Variants in WWOX observed in about 807,000 individuals in gnomAD.
WWOX encodes the protein WW domain-containing oxidoreductase.
A neutral mutation model predicts 46.2 loss-of-function variants in WWOX; 69 were observed. That is an observed-to-expected ratio of 1.49 (90% CI 1.23 to 1.82). WWOX has a LOEUF of 1.82. Among genes scored for constraint, WWOX ranks in the 40% most tolerant of loss-of-function variants. The probability of loss-of-function intolerance (pLI) is 0.00; values close to 1 mark genes in which losing one functional copy is unlikely to be tolerated. For synonymous variants in WWOX, 359 were observed against 202.6 expected (o/e 1.77, Z -6.56); for missense variants, 919 against 542.6 (o/e 1.69, Z -6.89).
intron 8 of WWOX, among the ~76,000 whole-genome samples, chr16:78,751,471 A>G (rs868580122): frequency 0.034 from 4,829 of 143,718 alleles, 195 homozygotes; most frequent in African/African-American, 0.089. Context: ...TTATATATAT[A>G]TATATATATA....
intron 8 of WWOX, among the ~76,000 whole-genome samples, chr16:78,641,923 A>C (rs190481440): frequency 6.6e-6 from 1 of 152,142 alleles, no homozygotes; most frequent in East Asian, 1.9e-4. Context: ...TACCAAATAG[A>C]TCTTGATCGC....
chr16:79,195,792 A>G (rs1032446512), intron 8 of WWOX, among the ~76,000 whole-genome samples: 8 of 152,332 alleles, frequency 5.3e-5, no homozygotes, highest in African/African-American at 1.9e-4. Flanking sequence ...ATCCTAGCAC[A>G]AGATCAGTGA....
At chr16:78,848,103 A>G (rs2052347436) in intron 8 of WWOX, among the ~76,000 whole-genome samples, 1 of 152,214 alleles carries the variant, frequency 6.6e-6, no homozygotes, top group African/African-American at 2.4e-5. Flanking sequence ...GAGAAAGAGC[A>G]CAGCCCATTC....
intron 8 of WWOX, among the ~76,000 whole-genome samples, chr16:78,583,946 C>G (rs2045129179): frequency 6.6e-6 from 1 of 152,136 alleles, no homozygotes; most frequent in South Asian, 2.1e-4. Context: ...GCTGAAGGTC[C>G]CCAGCCTCCT....
At chr16:78,414,235 C>T (rs189119161) in intron 6 of WWOX, among the ~76,000 whole-genome samples, 2 of 152,206 alleles carry the variant, frequency 1.3e-5, no homozygotes, top group East Asian at 3.9e-4. Flanking sequence ...CTTTGCTGAC[C>T]CCTTTTTCAA....
In WWOX at chr16:79,111,892, T is replaced by C. The variant is rs2049423899; in HGVS notation, c.1057-99716T>C. ...CATCCTGAATTCCAGTCCTCAAGCT[T>C]TGAGGGTAATAAACTCAAGCTTTGC... On this transcript the variant is annotated intron_variant, in intron 8 of 8. Coordinates refer to ENST00000566780, the MANE Select transcript of WWOX (RefSeq NM_016373.4). 2.6e-5 allele frequency among the ~76,000 whole-genome samples: 4 copies of C among 152,144 alleles called. No homozygotes were observed. In the South Asian group the frequency reaches 8.3e-4, roughly 32 times the overall value.
chr16:78,673,643 A>G (rs765628921), intron 8 of WWOX, among the ~76,000 whole-genome samples: 3 of 152,190 alleles, frequency 2.0e-5, no homozygotes, highest in Non-Finnish European at 4.4e-5. Context: ...TAAAAATTAG[A>G]TCATAAATTT....
At chr16:78,787,690 G>T (rs2050491643) in intron 8 of WWOX, among the ~76,000 whole-genome samples, 1 of 152,162 alleles carries the variant, frequency 6.6e-6, no homozygotes, top group Non-Finnish European at 1.5e-5. Context: ...TTGGGGAGTG[G>T]CATTGCTGGG....
intron 8 of WWOX, among the ~76,000 whole-genome samples, chr16:79,000,473 G>A: frequency 6.6e-6 from 1 of 152,168 alleles, no homozygotes; most frequent in East Asian, 1.9e-4. Flanking sequence ...ATGGGGAAAA[G>A]AGAGGCAGAT....
At chr16:79,100,308 G>C (rs1479504281) in intron 8 of WWOX, among the ~76,000 whole-genome samples, 1 of 152,090 alleles carries the variant, frequency 6.6e-6, no homozygotes, top group Admixed American at 6.5e-5. Flanking sequence ...TGATTTTTCT[G>C]AATTTTTGTT....
At chr16:78,230,714 G>A (rs2037233149) in intron 5 of WWOX, among the ~76,000 whole-genome samples, 1 of 152,234 alleles carries the variant, frequency 6.6e-6, no homozygotes, top group African/African-American at 2.4e-5. Context: ...TAAGGTCAGT[G>A]TGAAAGGGAA....
At chr16:78,885,942 T>TTTTTGG (rs59076722) in intron 8 of WWOX, among the ~76,000 whole-genome samples, 1 of 150,636 alleles carries the variant, frequency 6.6e-6, no homozygotes, top group African/African-American at 2.4e-5. Context: ...TTTTTTTTTT[T>TTTTTGG]GAGACAGAGT....
chr16:78,273,569 C>T (rs2079522246), intron 5 of WWOX, among the ~76,000 whole-genome samples: 1 of 152,158 alleles, frequency 6.6e-6, no homozygotes, highest in African/African-American at 2.4e-5. Context: ...ACCGTTCTGG[C>T]AGCCATGTGA....
At chr16:78,105,322 C>T (rs902304547) in intron 1 of WWOX, among the ~76,000 whole-genome samples, 53 of 152,256 alleles carry the variant, frequency 3.5e-4, no homozygotes, top group African/African-American at 1.3e-3. Flanking sequence ...ATTATCCCGG[C>T]ATGGTGGCAG....
At chr16:78,865,434 A>G (rs1336445379) in intron 8 of WWOX, among the ~76,000 whole-genome samples, 2 of 152,214 alleles carry the variant, frequency 1.3e-5, no homozygotes, top group Non-Finnish European at 2.9e-5. Flanking sequence ...GATTCACATC[A>G]TGGCTCCTTC....
intron 5 of WWOX, among the ~76,000 whole-genome samples, chr16:78,192,447 G>A (rs1340615140): frequency 1.5e-5 from 2 of 132,490 alleles, no homozygotes; most frequent in African/African-American, 2.9e-5. Flanking sequence ...AGCCGAGATC[G>A]CACCACTGCA....
At chr16:78,996,281 T>C in intron 8 of WWOX, 1 of 984,730 alleles carries the variant, frequency 1.0e-6, no homozygotes, top group Non-Finnish European at 1.2e-6. Context: ...AGCTGGGTGC[T>C]CCCTGGAAGA....
chr16:78,825,922 G>C, intron 8 of WWOX: 1 of 742,010 alleles, frequency 1.3e-6, no homozygotes, highest in Non-Finnish European at 2.3e-6. Context: ...CCAAAGATGA[G>C]GTAGTGCCCA....
chr16:78,824,821 T>C (rs1003785960), intron 8 of WWOX, among the ~76,000 whole-genome samples: 2 of 152,124 alleles, frequency 1.3e-5, no homozygotes, highest in Admixed American at 6.5e-5. Flanking sequence ...AGTTGAGATT[T>C]GGGTGGAGAC....
Sources: allele counts gnomAD v4.1 joint callset (sites outside exome capture counted in the v4.1 genomes callset), GRCh38; gene constraint gnomAD v4.1.1; transcripts MANE v1.5; gene names NCBI Gene and HGNC (gene_info 2026-07-23, HGNC 2026-07-21).